Variants in ASH1L observed in about 807,000 individuals in gnomAD.
ASH1L encodes the protein ASH1 like histone lysine methyltransferase.
ASH1L carries 23 observed loss-of-function variants against 269.0 expected under a neutral mutation model. The observed-to-expected ratio is 0.09, with a 90% CI of 0.06 to 0.12. The LOEUF is 0.12. ASH1L is among the 10% of genes least tolerant of loss of function. The pLI, the probability that ASH1L is intolerant of heterozygous loss-of-function variation, is 1.00. For missense variants in ASH1L, 2,912 were observed against 3,567.8 expected (o/e 0.82, Z 4.68); for synonymous variants, 1,187 against 1,253.5 (o/e 0.95, Z 1.12).
At position 155,349,448 on chromosome 1, in the gene ASH1L, T is replaced by C; in HGVS notation, c.7433A>G (p.Tyr2478Cys). The C allele has an allele frequency of 6.2e-7, 1 of 1,614,170 alleles. No homozygotes were observed. Among genetic ancestry groups the C allele is most frequent in the Non-Finnish European group, 8.5e-7 (1 of 1,180,020 alleles). ...NLPPKKKNAD[Y>C]YEKISDPLDL... is the part of the protein sequence containing the mutation. ...TAGGGGATCAGAGATCTTCTCATAA[T>C]AATCAGCATTCCTGGAACACAAAGC... The change falls in exon 19 of 28, where the codon TAT becomes TGT. Residue 2478 changes from tyrosine (Y) to cysteine (C), a missense_variant. Coordinates refer to ENST00000392403, the MANE Select transcript of ASH1L (RefSeq NM_018489.3).
rs779030020 is a variant in ASH1L at position 155,357,359 on chromosome 1, A to G, written c.7012T>C (p.Leu2338=). Residue 2338 remains leucine, a synonymous_variant, in exon 15 of 28, where the codon TTG becomes CTG. Transcript: ENST00000392403. The part of the protein sequence containing the change: ...PSENINTPTR[L]TPQLQMKPMS... ...GGCTTCATCTGTAATTGGGGGGTCAATCTAGTTGGGGTGTTGATATTTTCA... is the reference window on the plus strand; with the variant it reads ...GGCTTCATCTGTAATTGGGGGGTCAGTCTAGTTGGGGTGTTGATATTTTCA... 14 of 1,613,850 alleles carry G rather than the reference A, an allele frequency of 8.7e-6. No individual in the cohort carries two copies. In the East Asian group the frequency reaches 8.9e-5, roughly 10 times the overall value.
intron 5 of ASH1L, chr1:155,433,969 C>T (rs755325504): frequency 1.3e-6 from 2 of 1,581,322 alleles, no homozygotes; most frequent in Non-Finnish European, 8.6e-7. Context: ...TCAGCCACAT[C>T]GCCCAGCAGC....
chr1:155,533,558 A>C (rs1350370884), intron 1 of ASH1L, among the ~76,000 whole-genome samples: 1 of 151,728 alleles, frequency 6.6e-6, no homozygotes, highest in Non-Finnish European at 1.5e-5. Context: ...CTTAAAAAAA[A>C]AAAAAATTGG....
intron 2 of ASH1L, among the ~76,000 whole-genome samples, chr1:155,493,557 T>C (rs1195953684): frequency 1.3e-5 from 2 of 152,272 alleles, no homozygotes; most frequent in Non-Finnish European, 2.9e-5. Context: ...TAATATTAAA[T>C]TCTTGCTTCA....
At chr1:155,447,643 G>A (rs1219862033) in intron 4 of ASH1L, among the ~76,000 whole-genome samples, 2 of 152,160 alleles carry the variant, frequency 1.3e-5, no homozygotes, top group Non-Finnish European at 2.9e-5. Context: ...ACCTATGCCT[G>A]TTGCCATTTG....
chr1:155,396,686 G>A lies in ASH1L; in HGVS notation c.6009-1133C>T, dbSNP rs578183816. On this transcript the variant is annotated intron_variant, in intron 6 of 27. Coordinates refer to ENST00000392403, the MANE Select transcript of ASH1L (RefSeq NM_018489.3). Reference sequence around the variant, plus strand: ...AATTATAACATACTGACTTTTGGCCGGGCGCAGTGGCTCACGCTTGTAATC... The same window carrying A: ...AATTATAACATACTGACTTTTGGCCAGGCGCAGTGGCTCACGCTTGTAATC... 4.0e-5 allele frequency among the ~76,000 whole-genome samples: 6 copies of A among 151,768 alleles called. No individual in the cohort carries two copies. The South Asian group carries it at 6.2e-4, about 16-fold the overall frequency.
chr1:155,346,362 T>C (rs1376314487), intron 21 of ASH1L, 21 bp downstream of exon 21: 3 of 1,612,098 alleles, frequency 1.9e-6, no homozygotes, highest in Non-Finnish European at 2.5e-6. Context: ...AGATCAGAGT[T>C]TTATCAGAGG....
chr1:155,470,755 T>C (rs1665037668), intron 3 of ASH1L, among the ~76,000 whole-genome samples: 1 of 151,992 alleles, frequency 6.6e-6, no homozygotes, highest in South Asian at 2.1e-4. Flanking sequence ...TTTTACCATG[T>C]TGGCCAGGCT....
rs538999078 is a variant in ASH1L at position 155,363,818 on chromosome 1, T to C, written c.6687-3409A>G. On this transcript the variant is annotated intron_variant, in intron 12 of 27. Transcript: ENST00000392403. The stretch of plus-strand genomic sequence containing the variant: ...CGAAACACTGTCTCTACTAAAAATA[T>C]AAAAATTAGCCGGGTGTAGGGACGC... Among the ~76,000 whole-genome samples the C allele has an allele frequency of 2.7e-5, 4 of 145,638 alleles. No individual in the cohort carries two copies. In the South Asian group the frequency reaches 8.8e-4, roughly 32 times the overall value.
At chr1:155,361,741 C>T (rs898359566) in intron 12 of ASH1L, among the ~76,000 whole-genome samples, 8 of 150,816 alleles carry the variant, frequency 5.3e-5, no homozygotes, top group Non-Finnish European at 7.4e-5. Context: ...GGTGTGGTGG[C>T]GCATGTCTGC....
chr1:155,478,922 CAGA>C lies in ASH1L; in HGVS notation c.3945_3947del (p.Leu1316del). 2 of 1,613,876 alleles carry C rather than the reference CAGA, an allele frequency of 1.2e-6. No homozygotes were observed. Among genetic ancestry groups the C allele is most frequent in the Non-Finnish European group, 1.7e-6 (2 of 1,179,980 alleles). On this transcript the variant is annotated inframe_deletion, in exon 3 of 28. Transcript: ENST00000392403. This position sits in a 1 kb window ranked among gnomAD's most constrained non-coding sequence, Gnocchi z 4.6. ...TAAAGTTGATTCGAAAGATAGTTGG[CAGA>C]AGATCTCGGGGGATAAAATGATGAC...
chr1:155,501,374 T>C (rs758582477), intron 2 of ASH1L, among the ~76,000 whole-genome samples: 34 of 152,028 alleles, frequency 2.2e-4, no homozygotes, highest in Non-Finnish European at 4.4e-4. Flanking sequence ...CTTTCAGATG[T>C]TCCTAATTAT....
chr1:155,559,535 A>G (rs1671817327), intron 1 of ASH1L, among the ~76,000 whole-genome samples: 1 of 80,364 alleles, frequency 1.2e-5, no homozygotes, highest in Admixed American at 1.4e-4. Flanking sequence ...ACTCAGTCTC[A>G]AAAAAAAAAA....
intron 4 of ASH1L, among the ~76,000 whole-genome samples, chr1:155,444,378 C>T (rs72993431): frequency 1.8e-3 from 281 of 152,214 alleles, no homozygotes; most frequent in African/African-American, 6.6e-3. Context: ...GTTAAAGATC[C>T]TATACATCCT....
intron 3 of ASH1L, among the ~76,000 whole-genome samples, chr1:155,462,632 G>C (rs1410147607): frequency 1.3e-5 from 2 of 152,148 alleles, no homozygotes; most frequent in African/African-American, 4.8e-5. Context: ...GGCTTACTTA[G>C]CTCACTTAGC....
intron 21 of ASH1L, chr1:155,346,011 T>G (rs1387922774): frequency 1.4e-5 from 6 of 435,676 alleles, no homozygotes; most frequent in Non-Finnish European, 2.4e-5. Context: ...TTTTTTGTAT[T>G]TTAGTAGAGA....
intron 4 of ASH1L, chr1:155,440,622 C>G (rs1662471874): frequency 3.6e-6 from 2 of 548,718 alleles, no homozygotes; most frequent in African/African-American, 2.1e-5. Flanking sequence ...AAAAATGACC[C>G]CTTCCTTTTC....
intron 1 of ASH1L, among the ~76,000 whole-genome samples, chr1:155,557,661 G>A (rs912378532): frequency 1.3e-5 from 2 of 152,044 alleles, no homozygotes; most frequent in African/African-American, 4.8e-5. Context: ...CACTAAAAAA[G>A]CGATTTCTAA....
intron 25 of ASH1L, among the ~76,000 whole-genome samples, chr1:155,341,428 G>A (rs934184954): frequency 6.6e-6 from 1 of 151,962 alleles, no homozygotes; most frequent in Non-Finnish European, 1.5e-5. Context: ...CGCCCACCTT[G>A]GCCTCCCAAA....
Sources: gnomAD v4.1 joint callset for allele counts (sites outside exome capture counted in the v4.1 genomes callset) on GRCh38, gnomAD v4.1.1 for gene constraint, Gnocchi (gnomAD v3.1) non-coding constraint, MANE v1.5 for transcripts, NCBI Gene and HGNC (gene_info 2026-07-23, HGNC 2026-07-21) for gene names.